Variants in HEXIM2 observed in about 807,000 individuals in gnomAD.
The protein encoded by HEXIM2 is HEXIM P-TEFb complex subunit 2, also known as protein HEXIM2.
For synonymous variants in HEXIM2, 159 were observed against 162.7 expected (o/e 0.98, Z 0.17); for missense variants, 413 against 390.8 (o/e 1.06, Z -0.48).
At position 45,169,331 on chromosome 17, in the gene HEXIM2, G is replaced by A. The variant is rs756078837; in HGVS notation, c.383G>A (p.Arg128His). 8 of 1,613,744 alleles carry A rather than the reference G, an allele frequency of 5.0e-6. No homozygotes were observed. Among genetic ancestry groups the A allele is most frequent in the South Asian group, 2.2e-5 (2 of 91,088 alleles). The change falls in exon 4 of 4, where the codon CGC becomes CAC. Residue 128 changes from arginine to histidine, a missense_variant. By Grantham distance (29) the Arg-to-His change is conservative. Coordinates refer to ENST00000589230, the MANE Select transcript of HEXIM2 (RefSeq NM_001303441.2). ...ERQSQRASRVREEMFAKGQPV... is the reference protein window; with the variant it reads ...ERQSQRASRVHEEMFAKGQPV... The stretch of plus-strand genomic sequence containing the variant: ...CAGAGCCAGAGGGCCTCCCGGGTCC[G>A]CGAAGAGATGTTCGCCAAAGGCCAG...
intron 3 of HEXIM2, among the ~76,000 whole-genome samples, chr17:45,167,154 C>T (rs935719531): frequency 6.6e-6 from 1 of 151,402 alleles, no homozygotes; most frequent in African/African-American, 2.4e-5. Flanking sequence ...GGTGAAACCC[C>T]ATCTGTACTA....
At chr17:45,167,818 G>A (rs894750467) in intron 3 of HEXIM2, among the ~76,000 whole-genome samples, 3 of 151,858 alleles carry the variant, frequency 2.0e-5, no homozygotes, top group Non-Finnish European at 4.4e-5. Flanking sequence ...GGATAGTCTC[G>A]ATCTCCTGAC....
chr17:45,163,420 T>C (rs1296875627), intron 3 of HEXIM2, among the ~76,000 whole-genome samples: 1 of 151,408 alleles, frequency 6.6e-6, no homozygotes, highest in East Asian at 1.9e-4. Flanking sequence ...CTGAAATACC[T>C]GTTCCAGAAT....
chr17:45,167,010 G>A (rs1336324592), intron 3 of HEXIM2, among the ~76,000 whole-genome samples: 1 of 106,366 alleles, frequency 9.4e-6, no homozygotes, highest in Non-Finnish European at 1.8e-5. Flanking sequence ...GGGTGACAGA[G>A]CAAGACTCTG....
chr17:45,162,763 C>T lies in HEXIM2; in HGVS notation c.-31C>T, dbSNP rs759943446. On this transcript the variant is annotated 5_prime_UTR_variant, in exon 3 of 4. Coordinates refer to ENST00000589230, the MANE Select transcript of HEXIM2 (RefSeq NM_001303441.2). ...TGTTCAAAGCAGGTGTCACTAGTTCCAGGCGTCTGCTGAAAGATTTGGAAC... is the reference window on the plus strand; with the variant it reads ...TGTTCAAAGCAGGTGTCACTAGTTCTAGGCGTCTGCTGAAAGATTTGGAAC... 1.9e-6 allele frequency: 3 copies of T among 1,613,776 alleles called. No homozygotes were observed. The highest frequency in any genetic ancestry group is 3.3e-5 in the Admixed American group (2 of 60,014).
In HEXIM2 at chr17:45,169,897, A is replaced by G; in HGVS notation, c.*88A>G. The G allele has an allele frequency of 2.5e-6, 3 of 1,183,366 alleles. No individual in the cohort carries two copies. The highest frequency in any genetic ancestry group is 2.3e-6 in the Non-Finnish European group (2 of 885,948). The allele number at this position is 1,183,366 out of a possible 1,614,324, so 73.3% of individuals were successfully genotyped here. A position where few individuals can be genotyped will look rare whatever the true frequency, so the allele number is the denominator to read the frequency against. On this transcript the variant is annotated 3_prime_UTR_variant, in exon 4 of 4. Coordinates refer to ENST00000589230, the MANE Select transcript of HEXIM2 (RefSeq NM_001303441.2). Reference sequence around the variant, plus strand: ...TGGGTCTCAAGGAGGCAGGTGGCAGATGAAAACCACCGTCAACACCCTGTG... The same window carrying G: ...TGGGTCTCAAGGAGGCAGGTGGCAGGTGAAAACCACCGTCAACACCCTGTG...
intron 3 of HEXIM2, among the ~76,000 whole-genome samples, chr17:45,166,700 G>A (rs2042850950): frequency 6.6e-6 from 1 of 152,120 alleles, no homozygotes. Context: ...GGCTCCCTAA[G>A]GAAGTGACAT....
chr17:45,164,788 C>T (rs1283581469), intron 3 of HEXIM2, among the ~76,000 whole-genome samples: 1 of 152,196 alleles, frequency 6.6e-6, no homozygotes. Context: ...AGTACCTGCC[C>T]TTACCCATTC....
intron 3 of HEXIM2, among the ~76,000 whole-genome samples, chr17:45,166,116 C>T (rs1035431256): frequency 1.3e-5 from 2 of 150,618 alleles, no homozygotes; most frequent in Non-Finnish European, 3.0e-5. Flanking sequence ...TTCTTTATGC[C>T]AGAAGGATAG....
chr17:45,163,251 A>G (rs1402619466), intron 3 of HEXIM2, among the ~76,000 whole-genome samples: 1 of 130,450 alleles, frequency 7.7e-6, no homozygotes, highest in Non-Finnish European at 1.5e-5. Context: ...GCTTGAACCC[A>G]GGGGTCGGAG....
intron 3 of HEXIM2, among the ~76,000 whole-genome samples, chr17:45,166,106 T>A (rs1415780313): frequency 2.0e-5 from 3 of 150,844 alleles, no homozygotes; most frequent in Non-Finnish European, 4.4e-5. Flanking sequence ...CCGCTGCATC[T>A]TCTTTATGCC....
At chr17:45,164,473 C>A (rs2042786259) in intron 3 of HEXIM2, among the ~76,000 whole-genome samples, 1 of 150,468 alleles carries the variant, frequency 6.6e-6, no homozygotes, top group Non-Finnish European at 1.5e-5. Context: ...ACCAAAAAAA[C>A]AAAAAAACCT....
At chr17:45,162,712 T>G (rs758365735) in intron 2 of HEXIM2, 38 bp from the exon 3 acceptor site, 1 of 1,606,222 alleles carries the variant, frequency 6.2e-7, no homozygotes, top group South Asian at 1.1e-5. Context: ...TTCCTGACGT[T>G]CCTTCAGGAT....
At position 45,162,557 on chromosome 17, in the gene HEXIM2, C is replaced by T; in HGVS notation, c.-123C>T. ...AGGACAGAGAAGACGGCCCCTGAAT[C>T]CCATTTGGCCCCTTGCTGGCTGGAG... On this transcript the variant is annotated 5_prime_UTR_variant, in exon 2 of 4. Transcript: ENST00000589230. 1 of 1,372,684 alleles carries T rather than the reference C, an allele frequency of 7.3e-7. No individual in the cohort carries two copies. The highest frequency in any genetic ancestry group is 9.4e-7 in the Non-Finnish European group (1 of 1,060,946). 85.0% of individuals were successfully genotyped at this position (1,372,684 alleles called of 1,614,324 possible).
chr17:45,168,903 A>G, intron 3 of HEXIM2, 112 bp from the exon 4 acceptor site: 1 of 1,031,826 alleles, frequency 9.7e-7, no homozygotes, highest in Non-Finnish European at 1.4e-6. Context: ...GCTAAGAGTG[A>G]CCAAGTTAGC....
At chr17:45,168,046 G>C (rs1406120359) in intron 3 of HEXIM2, among the ~76,000 whole-genome samples, 1 of 149,772 alleles carries the variant, frequency 6.7e-6, no homozygotes, top group Non-Finnish European at 1.5e-5. Context: ...ACCACGCCCG[G>C]CTTATTTTTG....
In HEXIM2 at chr17:45,167,761, A is replaced by AT. The variant is rs555307636; in HGVS notation, c.67-1246dup. Among the ~76,000 whole-genome samples, 41 of 151,690 alleles carry AT rather than the reference A, an allele frequency of 2.7e-4. No individual in the cohort carries two copies. The South Asian group carries it at 4.0e-3, about 15-fold the overall frequency. Reference sequence around the variant, plus strand: ...AGGCGCCCGCCATCACACCCAGCTAATTTTTTTTGTATTTTTAGTAGAGAT... The same window carrying AT: ...AGGCGCCCGCCATCACACCCAGCTAATTTTTTTTTGTATTTTTAGTAGAGAT... On this transcript the variant is annotated intron_variant, in intron 3 of 3. Transcript: ENST00000589230.
rs146516847 is a variant in HEXIM2, at chr17:45,169,539, C to A, written c.591C>A (p.Tyr197Ter). 3 of 1,578,272 alleles carry A rather than the reference C, an allele frequency of 1.9e-6. No homozygotes were observed. Among genetic ancestry groups the A allele is most frequent in the Admixed American group, 1.9e-5 (1 of 53,726 alleles). Residue 197 changes from tyrosine to a stop codon, truncating the protein, a stop_gained, in exon 4 of 4, where the codon TAC becomes TAA. Coordinates refer to ENST00000589230, the MANE Select transcript of HEXIM2 (RefSeq NM_001303441.2). LOFTEE classifies it low-confidence loss of function (END_TRUNC). ...EFQRKDFSET[Y>*]ERFHTESLQG... ...AGCGGAAGGACTTCTCTGAGACTTA[C>A]GAACGCTTCCACACCGAGAGCCTGC...
At chr17:45,162,942 T>C in intron 3 of HEXIM2, 83 bp downstream of exon 3, 1 of 924,796 alleles carries the variant, frequency 1.1e-6, no homozygotes, top group South Asian at 1.3e-5. Flanking sequence ...CCCAGATGTG[T>C]TGGTAGATTT....
Sources: allele counts gnomAD v4.1 joint callset (sites outside exome capture counted in the v4.1 genomes callset), GRCh38; gene constraint gnomAD v4.1.1; transcripts MANE v1.5; gene names NCBI Gene and HGNC (gene_info 2026-07-23, HGNC 2026-07-21).